GRIA2: variants seen among roughly 807,000 people sequenced by gnomAD.
GRIA2 encodes glutamate ionotropic receptor AMPA type subunit 2.
Under a neutral mutation model 97.3 loss-of-function variants are expected in GRIA2, and 14 were observed. The observed-to-expected ratio is 0.14, with a 90% CI of 0.10 to 0.23. GRIA2 has a LOEUF of 0.23. Among genes scored for constraint, GRIA2 ranks in the 10% least tolerant of loss-of-function variants. GRIA2 has a pLI of 1.00. For missense variants in GRIA2, 558 were observed against 1,069.8 expected, an observed-to-expected ratio of 0.52 and a Z score of 6.67; for synonymous variants, 412 against 387.8, an observed-to-expected ratio of 1.06 and a Z score of -0.73.
Position 157,221,807 on chromosome 4 carries a change from T to C in GRIA2, c.229T>C (p.Phe77Leu). 6.2e-7 allele frequency: 1 copy of C among 1,613,718 alleles called. No homozygotes were observed. The highest frequency in any genetic ancestry group is 8.5e-7 in the Non-Finnish European group (1 of 1,179,714). The change falls in exon 2 of 16, where the codon TTC becomes CTC. Residue 77 changes from phenylalanine (F) to leucine (L), a missense_variant and splice_region_variant. By Grantham distance (22) the Phe-to-Leu change is conservative. Around this residue, in one of 8 missense-constraint regions of GRIA2, gnomAD observed 96 missense variants for 176.6 expected, o/e 0.54. Coordinates refer to ENST00000264426, the MANE Select transcript of GRIA2 (RefSeq NM_001083619.3). Reference protein sequence around the residue: ...VANSFAVTNAFCSQFSRGVYA... With the variant: ...VANSFAVTNALCSQFSRGVYA... ...AAACAGCTTCGCAGTCACTAATGCTTGTAAGTAATGAATATTCATGCCTTT... is the reference window on the plus strand; with the variant it reads ...AAACAGCTTCGCAGTCACTAATGCTCGTAAGTAATGAATATTCATGCCTTT...
At chr4:157,273,056 C>T (rs1732106106) in intron 2 of GRIA2, among the ~76,000 whole-genome samples, 1 of 151,810 alleles carries the variant, frequency 6.6e-6, no homozygotes, top group Admixed American at 6.6e-5. Flanking sequence ...AGAGAGAAAC[C>T]AACAATACAA....
intron 2 of GRIA2, among the ~76,000 whole-genome samples, chr4:157,277,867 T>C (rs1342618061): frequency 1.4e-5 from 2 of 146,334 alleles, no homozygotes; most frequent in African/African-American, 5.0e-5. Flanking sequence ...TATATATGTA[T>C]ATATGTATAT....
intron 2 of GRIA2, among the ~76,000 whole-genome samples, chr4:157,285,595 T>C (rs552838836): frequency 6.6e-6 from 1 of 150,498 alleles, no homozygotes; most frequent in Middle Eastern, 3.4e-3. Flanking sequence ...AAGGCTTTTT[T>C]CCTTATGGTT....
chr4:157,278,832 G>T (rs1279373911), intron 2 of GRIA2, among the ~76,000 whole-genome samples: 1 of 151,746 alleles, frequency 6.6e-6, no homozygotes, highest in African/African-American at 2.4e-5. Flanking sequence ...ACATCTCATT[G>T]AAGAAGATAT....
At chr4:157,261,606 T>A (rs1004619675) in intron 2 of GRIA2, among the ~76,000 whole-genome samples, 1 of 152,244 alleles carries the variant, frequency 6.6e-6, no homozygotes, top group African/African-American at 2.4e-5. Flanking sequence ...ACTTGTCACA[T>A]AAGCCAGTTT....
chr4:157,365,702 A>C lies in GRIA2; in HGVS notation c.*2271A>C, dbSNP rs41280451. ...TTGCTATATAAATATGTCTGTGTGC[A>C]TATAAGTGAAAAGTGGTCAAACAAG... On this transcript the variant is annotated 3_prime_UTR_variant, in exon 16 of 16. Transcript: ENST00000264426. The C allele has an allele frequency of 3.9e-5, 6 of 151,972 alleles. No homozygotes were observed. The highest frequency in any genetic ancestry group is 5.9e-5 in the Non-Finnish European group (4 of 67,576). 9.4% of individuals were successfully genotyped at this position (151,972 alleles called of 1,614,324 possible). A position where few individuals can be genotyped will look rare whatever the true frequency, so the allele number is the denominator to read the frequency against.
At chr4:157,221,472 C>A in intron 1 of GRIA2, 195 bp from the exon 2 acceptor site, 1 of 605,404 alleles carries the variant, frequency 1.7e-6, no homozygotes, top group Admixed American at 3.1e-5. Context: ...ACCTCGCCTT[C>A]AGACTCTCAT....
chr4:157,329,135 A>G (rs2126923794), intron 6 of GRIA2, among the ~76,000 whole-genome samples: 1 of 151,968 alleles, frequency 6.6e-6, no homozygotes, highest in South Asian at 2.1e-4. Flanking sequence ...ATTTCCTCAT[A>G]CTGTTCATTT....
intron 2 of GRIA2, among the ~76,000 whole-genome samples, chr4:157,230,426 A>G (rs1729949268): frequency 6.6e-6 from 1 of 152,178 alleles, no homozygotes; most frequent in East Asian, 1.9e-4. Flanking sequence ...AAAAGGGAAA[A>G]ACTCTAAGAG....
At chr4:157,326,971 A>G (rs1734830647) in intron 6 of GRIA2, among the ~76,000 whole-genome samples, 1 of 152,138 alleles carries the variant, frequency 6.6e-6, no homozygotes, top group Non-Finnish European at 1.5e-5. Context: ...ACAGTCAGAC[A>G]AGAGACAATG....
intron 4 of GRIA2, among the ~76,000 whole-genome samples, chr4:157,316,844 T>C (rs932345437): frequency 6.6e-6 from 1 of 152,234 alleles, no homozygotes; most frequent in African/African-American, 2.4e-5. Context: ...TACATTACAT[T>C]TGAATGTCCC....
intron 2 of GRIA2, among the ~76,000 whole-genome samples, chr4:157,259,520 G>C (rs577639123): frequency 1.3e-5 from 2 of 152,072 alleles, no homozygotes; most frequent in African/African-American, 4.8e-5. Flanking sequence ...GCCATTTTAT[G>C]TTCACAGATG....
chr4:157,312,228 A>C (rs1292287665), intron 3 of GRIA2, among the ~76,000 whole-genome samples: 1 of 152,118 alleles, frequency 6.6e-6, no homozygotes, highest in East Asian at 1.9e-4. Context: ...ACTTACATAG[A>C]TTCCTCATTC....
chr4:157,232,187 A>T (rs1361203752), intron 2 of GRIA2, among the ~76,000 whole-genome samples: 1 of 152,192 alleles, frequency 6.6e-6, no homozygotes, highest in Admixed American at 6.5e-5. Flanking sequence ...GTTAGCTATT[A>T]TGAATTCCAT....
intron 3 of GRIA2, among the ~76,000 whole-genome samples, chr4:157,304,097 C>T (rs1264002255): frequency 6.6e-6 from 1 of 152,158 alleles, no homozygotes; most frequent in Admixed American, 6.5e-5. Context: ...TCTATGACAG[C>T]TATACTACTA....
chr4:157,222,087 T>C, intron 2 of GRIA2, among the ~76,000 whole-genome samples: 1 of 152,080 alleles, frequency 6.6e-6, no homozygotes, highest in East Asian at 1.9e-4. Context: ...AGGGCGGCTT[T>C]CTTGGGTTCA....
intron 12 of GRIA2, among the ~76,000 whole-genome samples, chr4:157,356,213 A>T (rs528014807): frequency 1.6e-4 from 22 of 135,218 alleles, no homozygotes; most frequent in Admixed American, 1.4e-3. Flanking sequence ...ATATATATTT[A>T]TATAGAGAGA....
chr4:157,338,958 T>A (rs939235425), intron 11 of GRIA2, among the ~76,000 whole-genome samples: 9 of 151,964 alleles, frequency 5.9e-5, no homozygotes, highest in Non-Finnish European at 1.0e-4. Context: ...TCTTTAAATA[T>A]TAAAAAAATT....
chr4:157,360,848 T>C, intron 13 of GRIA2, 162 bp from the exon 14 acceptor site: 1 of 676,558 alleles, frequency 1.5e-6, no homozygotes, highest in East Asian at 2.8e-5. Flanking sequence ...AGTTTCAGAT[T>C]TTTAGTAGCT....
Sources: gnomAD v4.1 joint callset for allele counts (sites outside exome capture counted in the v4.1 genomes callset) on GRCh38, gnomAD v4.1.1 for gene constraint, gnomAD v4.1.1 regional missense constraint, MANE v1.5 for transcripts, NCBI Gene and HGNC (gene_info 2026-07-23, HGNC 2026-07-21) for gene names.